Variants in AGBL4 observed in about 807,000 individuals in gnomAD.
The protein encoded by AGBL4 is cytosolic carboxypeptidase 6.
A neutral mutation model predicts 66.4 loss-of-function variants in AGBL4; 58 were observed. The observed-to-expected ratio is 0.87, with a 90% CI of 0.71 to 1.09. The LOEUF (loss-of-function observed/expected upper bound fraction) is 1.09. Among genes scored for constraint, AGBL4 ranks in the 50% least tolerant of loss-of-function variants. AGBL4 has a pLI of 0.00. For synonymous variants in AGBL4, 234 were observed against 222.9 expected (o/e 1.05, Z -0.44); for missense variants, 579 against 631.0 (o/e 0.92, Z 0.88).
intron 6 of AGBL4, among the ~76,000 whole-genome samples, chr1:48,748,256 G>T (rs1023112362): frequency 6.6e-6 from 1 of 152,212 alleles, no homozygotes; most frequent in Non-Finnish European, 1.5e-5. Context: ...GACCCTCTCA[G>T]AAGTCATCAG....
chr1:49,749,938 T>C (rs536256190), intron 2 of AGBL4, among the ~76,000 whole-genome samples: 1 of 152,152 alleles, frequency 6.6e-6, no homozygotes, highest in Non-Finnish European at 1.5e-5. Flanking sequence ...CAAGACAGTT[T>C]GGTATTTCAA....
intron 3 of AGBL4, among the ~76,000 whole-genome samples, chr1:49,589,406 A>G (rs750024575): frequency 1.1e-4 from 17 of 152,068 alleles, no homozygotes; most frequent in Admixed American, 2.6e-4. Flanking sequence ...CTTTTTCACT[A>G]TACCATAGCT....
chr1:49,010,155 T>A (rs1269747656), intron 5 of AGBL4, among the ~76,000 whole-genome samples: 1 of 152,034 alleles, frequency 6.6e-6, no homozygotes, highest in African/African-American at 2.4e-5. Flanking sequence ...AAAATCTCCT[T>A]AAGCTGATAA....
chr1:49,936,998 T>G (rs1405526317), intron 1 of AGBL4, among the ~76,000 whole-genome samples: 1 of 152,088 alleles, frequency 6.6e-6, no homozygotes, highest in Non-Finnish European at 1.5e-5. Context: ...AATATTAACT[T>G]TAAATGTAAA....
chr1:49,318,386 A>AGATGAT (rs3052048), intron 3 of AGBL4, among the ~76,000 whole-genome samples: 1,592 of 148,772 alleles, frequency 0.011, 21 homozygotes, highest in East Asian at 0.046. Flanking sequence ...ATTTAAATGC[A>AGATGAT]GATGATGATG....
intron 3 of AGBL4, among the ~76,000 whole-genome samples, chr1:49,670,881 A>G (rs1041822914): frequency 6.6e-6 from 1 of 152,182 alleles, no homozygotes; most frequent in African/African-American, 2.4e-5. Flanking sequence ...TAAATCTATC[A>G]TCAATAATCA....
rs183726538 is a variant in AGBL4, at chr1:49,405,368, C to G, written c.283-159504G>C. ...CCTGTTCTATTAGCATGACTTCATTCTAACTGTGTGGCTCTTTGCAAGTTA... is the reference window on the plus strand; with the variant it reads ...CCTGTTCTATTAGCATGACTTCATTGTAACTGTGTGGCTCTTTGCAAGTTA... On this transcript the variant is annotated intron_variant, in intron 3 of 13. Coordinates refer to ENST00000371839, the MANE Select transcript of AGBL4 (RefSeq NM_032785.4). 4.6e-5 allele frequency among the ~76,000 whole-genome samples: 7 copies of G among 152,308 alleles called. No individual in the cohort carries two copies. In the East Asian group the frequency reaches 1.2e-3, roughly 25 times the overall value.
chr1:48,928,257 T>A (rs1654755414), intron 5 of AGBL4, among the ~76,000 whole-genome samples: 1 of 152,132 alleles, frequency 6.6e-6, no homozygotes, highest in East Asian at 1.9e-4. Context: ...GAAAGCTTAA[T>A]CAACATTAGG....
At chr1:48,598,643 G>T (rs1282452899) in intron 9 of AGBL4, among the ~76,000 whole-genome samples, 1 of 152,128 alleles carries the variant, frequency 6.6e-6, no homozygotes, top group Non-Finnish European at 1.5e-5. Flanking sequence ...TGGGCATAAT[G>T]GTGCACACCT....
intron 7 of AGBL4, among the ~76,000 whole-genome samples, chr1:48,661,697 C>T (rs865902635): frequency 1.3e-5 from 2 of 152,194 alleles, no homozygotes; most frequent in Non-Finnish European, 2.9e-5. Context: ...GGATGGCAAC[C>T]CTGCTCTCTG....
intron 3 of AGBL4, among the ~76,000 whole-genome samples, chr1:49,520,610 A>T (rs1454360249): frequency 6.6e-6 from 1 of 151,908 alleles, no homozygotes; most frequent in East Asian, 1.9e-4. Flanking sequence ...ATCTATACTC[A>T]GCTATAATTT....
chr1:49,559,134 G>A (rs1165113933), intron 3 of AGBL4, among the ~76,000 whole-genome samples: 1 of 152,112 alleles, frequency 6.6e-6, no homozygotes, highest in Non-Finnish European at 1.5e-5. Flanking sequence ...GTGCTGTGAT[G>A]GCTTCAGGTC....
intron 9 of AGBL4, among the ~76,000 whole-genome samples, chr1:48,613,775 C>A (rs1397699576): frequency 1.3e-5 from 2 of 152,190 alleles, no homozygotes; most frequent in Admixed American, 6.5e-5. Context: ...CCTTATAGAG[C>A]ATGGACATGA....
intron 3 of AGBL4, among the ~76,000 whole-genome samples, chr1:49,554,870 G>T (rs1466072261): frequency 6.6e-6 from 1 of 152,012 alleles, no homozygotes; most frequent in African/African-American, 2.4e-5. Flanking sequence ...TAAAGGCGGC[G>T]CGTCTGGAGT....
intron 1 of AGBL4, among the ~76,000 whole-genome samples, chr1:49,973,714 A>G (rs1483384632): frequency 6.7e-6 from 1 of 148,872 alleles, no homozygotes; most frequent in Non-Finnish European, 1.5e-5. Flanking sequence ...ATCATATTAT[A>G]TATTGTATAT....
chr1:49,701,118 T>G (rs938733881), intron 2 of AGBL4, among the ~76,000 whole-genome samples: 5 of 151,944 alleles, frequency 3.3e-5, no homozygotes, highest in Non-Finnish European at 7.4e-5. Flanking sequence ...TGGTTTTAGC[T>G]CTAATATCCC....
At chr1:49,922,388 C>T (rs1652347834) in intron 1 of AGBL4, among the ~76,000 whole-genome samples, 1 of 152,106 alleles carries the variant, frequency 6.6e-6, no homozygotes, top group Non-Finnish European at 1.5e-5. Flanking sequence ...CCCTTAAAAA[C>T]AATCAAAAGA....
intron 6 of AGBL4, among the ~76,000 whole-genome samples, chr1:48,726,482 G>A (rs60321839): frequency 7.2e-5 from 11 of 152,254 alleles, no homozygotes; most frequent in African/African-American, 2.6e-4. Flanking sequence ...TTTGTGAAAT[G>A]AGTTAACATA....
intron 3 of AGBL4, among the ~76,000 whole-genome samples, chr1:49,690,857 G>A (rs139313880): frequency 8.6e-4 from 131 of 152,164 alleles, no homozygotes; most frequent in African/African-American, 3.1e-3. Flanking sequence ...TTCCATCAAC[G>A]CTATTAGGTA....
Sources: allele counts gnomAD v4.1 joint callset (sites outside exome capture counted in the v4.1 genomes callset), GRCh38; gene constraint gnomAD v4.1.1; transcripts MANE v1.5; gene names NCBI Gene and HGNC (gene_info 2026-07-23, HGNC 2026-07-21).